The following MYO1F variants were observed in gnomAD, a reference collection of about 807,000 sequenced individuals.
MYO1F encodes unconventional myosin-If.
In MYO1F, 60 loss-of-function variants were observed where a neutral mutation model predicts 146.6. That is an observed-to-expected ratio of 0.41 (90% CI 0.33 to 0.51). The LOEUF (loss-of-function observed/expected upper bound fraction) is 0.51. MYO1F is among the 20% of genes least tolerant of loss of function. The probability of loss-of-function intolerance (pLI) is 0.25; values close to 1 mark genes in which losing one functional copy is unlikely to be tolerated. For synonymous variants in MYO1F, 602 were observed against 602.1 expected, an observed-to-expected ratio of 1.00 and a Z score of 0.00; for missense variants, 1,274 against 1,534.3, an observed-to-expected ratio of 0.83 and a Z score of 2.83.
At chr19:8,529,803 A>C (rs559911784) in intron 21 of MYO1F, 1 of 389,424 alleles carries the variant, frequency 2.6e-6, no homozygotes, top group South Asian at 2.1e-5. Flanking sequence ...ACTTGAGTGT[A>C]TACCTGTGGG....
chr19:8,526,464 G>A lies in MYO1F; in HGVS notation c.2759C>T (p.Pro920Leu), dbSNP rs1972270646. 6.4e-7 allele frequency: 1 copy of A among 1,558,068 alleles called. No individual in the cohort carries two copies. Among genetic ancestry groups the A allele is most frequent in the Non-Finnish European group, 8.7e-7 (1 of 1,150,906 alleles). ...CCGCGCAGACTCACTGGAGCTCTTG[G>A]GCAGCCCATCGCCCACGCTGACCGT... Reference protein sequence around the residue: ...TLTVSVGDGLPKSSKPTRKGM... With the variant: ...TLTVSVGDGLLKSSKPTRKGM... Residue 920 changes from proline to leucine, a missense_variant, in exon 24 of 28, where the codon CCC (proline) becomes CTC (leucine). Coordinates refer to ENST00000644032, the MANE Select transcript of MYO1F (RefSeq NM_012335.4).
intron 11 of MYO1F, 43 bp downstream of exon 11, chr19:8,548,194 C>T: frequency 6.2e-6 from 10 of 1,610,528 alleles, no homozygotes; most frequent in African/African-American, 1.3e-5. Context: ...CCCTGGGCTG[C>T]CCCAGGGAGG....
intron 10 of MYO1F, chr19:8,549,809 G>T (rs1049821596): frequency 3.0e-6 from 1 of 334,504 alleles, no homozygotes. Flanking sequence ...CTGGCCAAAA[G>T]TTTTTTTTAG....
intron 1 of MYO1F, among the ~76,000 whole-genome samples, chr19:8,567,517 T>A (rs2042026539): frequency 6.6e-6 from 1 of 152,160 alleles, no homozygotes; most frequent in East Asian, 1.9e-4. Flanking sequence ...TACAGGCGCC[T>A]GGCTGATTTT....
At chr19:8,527,546 C>A (rs1351859399) in intron 21 of MYO1F, 63 bp from the exon 22 acceptor site, 13 of 1,593,824 alleles carry the variant, frequency 8.2e-6, no homozygotes, top group Admixed American at 3.5e-5. Context: ...ACAGAGGATC[C>A]ACCCCAGGCA....
chr19:8,527,942 G>A (rs989785749), intron 21 of MYO1F, among the ~76,000 whole-genome samples: 2 of 152,204 alleles, frequency 1.3e-5, no homozygotes, highest in Non-Finnish European at 2.9e-5. Context: ...ACAGAAGGAG[G>A]GCTGGGTGCC....
intron 10 of MYO1F, chr19:8,549,857 A>C: frequency 6.1e-6 from 3 of 488,780 alleles, no homozygotes; most frequent in Non-Finnish European, 1.1e-5. Context: ...CTGGAGTACA[A>C]TAGCGCAATC....
chr19:8,552,786 G>A (rs543262761), intron 6 of MYO1F, among the ~76,000 whole-genome samples: 8 of 152,178 alleles, frequency 5.3e-5, no homozygotes, highest in African/African-American at 1.4e-4. Flanking sequence ...TGGGCCCAGC[G>A]CAGCACCCAC....
At chr19:8,540,679 C>G (rs550401980) in intron 15 of MYO1F, among the ~76,000 whole-genome samples, 2 of 149,376 alleles carry the variant, frequency 1.3e-5, no homozygotes, top group East Asian at 3.9e-4. Context: ...CACTGCACTC[C>G]AGCCTGGGCG....
intron 1 of MYO1F, among the ~76,000 whole-genome samples, chr19:8,570,497 G>A (rs1196248384): frequency 6.6e-6 from 1 of 151,774 alleles, no homozygotes; most frequent in Non-Finnish European, 1.5e-5. Context: ...CTCCTGAGTA[G>A]CTGGGATTAC....
At chr19:8,528,040 G>A (rs534923679) in intron 21 of MYO1F, among the ~76,000 whole-genome samples, 1 of 151,738 alleles carries the variant, frequency 6.6e-6, no homozygotes, top group South Asian at 2.1e-4. Flanking sequence ...TGACCAACAT[G>A]GTGAAACCCC....
At chr19:8,551,109 C>T (rs1568358162) in intron 8 of MYO1F, among the ~76,000 whole-genome samples, 4 of 148,336 alleles carry the variant, frequency 2.7e-5, no homozygotes, top group Non-Finnish European at 4.5e-5. Flanking sequence ...GGGAGTGCAG[C>T]GGCGCTATCT....
intron 14 of MYO1F, among the ~76,000 whole-genome samples, chr19:8,543,684 G>GTGC (rs1973094453): frequency 3.8e-5 from 2 of 53,000 alleles, no homozygotes; most frequent in African/African-American, 2.1e-4. Flanking sequence ...GCTGGTGGTG[G>GTGC]TGGTGGTGGT....
chr19:8,565,729 T>C (rs1007451701), intron 1 of MYO1F, among the ~76,000 whole-genome samples: 2 of 151,584 alleles, frequency 1.3e-5, no homozygotes, highest in African/African-American at 4.9e-5. Context: ...GGAAGTGCAT[T>C]TTGTCTCTGA....
chr19:8,543,509 G>T (rs146733137), intron 14 of MYO1F, among the ~76,000 whole-genome samples: 1 of 151,956 alleles, frequency 6.6e-6, no homozygotes. Context: ...CTGAACATAG[G>T]CAGTCTGGTA....
chr19:8,545,362 T>A (rs1351278481), intron 13 of MYO1F: 6 of 406,508 alleles, frequency 1.5e-5, no homozygotes, highest in Non-Finnish European at 2.8e-5. Flanking sequence ...GTGCTGGGAT[T>A]ACAGGCGTGA....
intron 1 of MYO1F, chr19:8,576,707 C>A (rs1287588545): frequency 1.9e-5 from 3 of 161,496 alleles, no homozygotes; most frequent in Non-Finnish European, 4.1e-5. Context: ...GCCTCTCCTG[C>A]CTCTGCTGCA....
At chr19:8,551,510 T>G in intron 8 of MYO1F, 2 of 535,386 alleles carry the variant, frequency 3.7e-6, no homozygotes, top group Admixed American at 3.0e-5. Context: ...CGCCACCACA[T>G]CTGGCTAATT....
chr19:8,532,100 AGAGT>A (rs1972511151), intron 19 of MYO1F, among the ~76,000 whole-genome samples: 1 of 151,762 alleles, frequency 6.6e-6, no homozygotes, highest in Non-Finnish European at 1.5e-5. Context: ...CCTGGGCGAC[AGAGT>A]GAGACTCAGT....
Sources: gnomAD v4.1 joint callset for allele counts (sites outside exome capture counted in the v4.1 genomes callset) on GRCh38, gnomAD v4.1.1 for gene constraint, MANE v1.5 for transcripts, NCBI Gene and HGNC (gene_info 2026-07-23, HGNC 2026-07-21) for gene names.